The following IKBKB-DT variants were observed in gnomAD, a reference collection of about 807,000 sequenced individuals.
IKBKB-DT encodes the protein IKBKB antisense RNA.
intron 1 of IKBKB-DT, among the ~76,000 whole-genome samples, chr8:42,269,236 C>T (rs529150325): frequency 2.0e-5 from 3 of 150,878 alleles, no homozygotes; most frequent in African/African-American, 7.3e-5. Context: ...GGGAGGACCC[C>T]TTGAACCCAG....
intron 3 of IKBKB-DT, among the ~76,000 whole-genome samples, chr8:42,251,828 C>CAAAAAAAAAAAAAAAAAAAAAAA (rs59420104): frequency 6.6e-5 from 6 of 91,454 alleles, no homozygotes; most frequent in African/African-American, 2.3e-4. Flanking sequence ...GACTCCATCT[C>CAAAAAAAAAAAAAAAAAAAAAAA]AAAAAAAAAA....
At chr8:42,254,738 T>C (rs796132872) in intron 3 of IKBKB-DT, among the ~76,000 whole-genome samples, 4 of 147,716 alleles carry the variant, frequency 2.7e-5, no homozygotes, top group African/African-American at 1.0e-4. Flanking sequence ...CTTCCCACCG[T>C]CTGGGAAGTG....
chr8:42,246,089 C>T (rs1275909901), intron 3 of IKBKB-DT, among the ~76,000 whole-genome samples: 2 of 152,124 alleles, frequency 1.3e-5, no homozygotes, highest in African/African-American at 2.4e-5. Context: ...CAGGCTAGAG[C>T]GCAGTGGCAC....
At chr8:42,256,033 AAAAAAG>A (rs1215664889) in intron 3 of IKBKB-DT, among the ~76,000 whole-genome samples, 3 of 151,866 alleles carry the variant, frequency 2.0e-5, no homozygotes, top group African/African-American at 4.8e-5. Flanking sequence ...TCTCAAAAAA[AAAAAAG>A]AAAAAGAAAA....
At chr8:42,239,180 T>C (rs1294147811) in intron 3 of IKBKB-DT, among the ~76,000 whole-genome samples, 1 of 151,950 alleles carries the variant, frequency 6.6e-6, no homozygotes, top group African/African-American at 2.4e-5. Context: ...GCCCCAAAAG[T>C]CCATGGATCA....
intron 3 of IKBKB-DT, among the ~76,000 whole-genome samples, chr8:42,244,623 C>G (rs1385224550): frequency 6.6e-6 from 1 of 152,116 alleles, no homozygotes; most frequent in South Asian, 2.1e-4. Flanking sequence ...TCACTGCAGC[C>G]TTGACCTCCT....
In IKBKB-DT at chr8:42,267,448, C is replaced by T. The variant is rs186052888; in HGVS notation, n.604-1052G>A. On this transcript the variant is annotated intron_variant and non_coding_transcript_variant, in intron 1 of 3. Coordinates refer to ENST00000518213, the Ensembl canonical transcript of IKBKB-DT. ...GGTACTAATTACTGCAGAACAAATCCGTGTGTGATTTTATATTGCCTGGCC... is the reference window on the plus strand; with the variant it reads ...GGTACTAATTACTGCAGAACAAATCTGTGTGTGATTTTATATTGCCTGGCC... Among the ~76,000 whole-genome samples, 33 of 152,218 alleles carry T rather than the reference C, an allele frequency of 2.2e-4. 1 individual carries two copies. The East Asian group carries it at 3.5e-3, about 16-fold the overall frequency.
chr8:42,234,767 T>C (rs1487284102), intron 3 of IKBKB-DT, among the ~76,000 whole-genome samples: 1 of 152,092 alleles, frequency 6.6e-6, no homozygotes, highest in Non-Finnish European at 1.5e-5. Flanking sequence ...GTACCTGAGA[T>C]TACAGGTGTC....
chr8:42,269,249 G>A (rs1271945773), intron 1 of IKBKB-DT, among the ~76,000 whole-genome samples: 4 of 150,698 alleles, frequency 2.7e-5, no homozygotes, highest in South Asian at 4.2e-4. Flanking sequence ...GAACCCAGGA[G>A]GTCAAGACTG....
chr8:42,242,071 T>C (rs1414042014), intron 3 of IKBKB-DT, among the ~76,000 whole-genome samples: 1 of 152,044 alleles, frequency 6.6e-6, no homozygotes, highest in East Asian at 1.9e-4. Flanking sequence ...AAAATTTATC[T>C]GGGCATGTTG....
intron 3 of IKBKB-DT, among the ~76,000 whole-genome samples, chr8:42,236,236 A>C (rs1005760884): frequency 6.6e-6 from 1 of 151,604 alleles, no homozygotes; most frequent in African/African-American, 2.4e-5. Flanking sequence ...CCTGGCCTCC[A>C]GCAATCCACC....
chr8:42,259,943 C>T (rs1189107261), intron 3 of IKBKB-DT, among the ~76,000 whole-genome samples: 1 of 147,262 alleles, frequency 6.8e-6, no homozygotes. Context: ...GATTGTGCCA[C>T]TGCACTCCAG....
intron 2 of IKBKB-DT, among the ~76,000 whole-genome samples, chr8:42,264,924 G>T (rs113078931): frequency 2.0e-5 from 3 of 150,932 alleles, no homozygotes; most frequent in African/African-American, 7.3e-5. Context: ...GTGCAATGGC[G>T]CCATCTCTGT....
chr8:42,256,470 G>A (rs1487486023), intron 3 of IKBKB-DT, among the ~76,000 whole-genome samples: 1 of 151,942 alleles, frequency 6.6e-6, no homozygotes, highest in East Asian at 1.9e-4. Context: ...TACTCAAGTG[G>A]CTGAGGCAGG....
intron 3 of IKBKB-DT, among the ~76,000 whole-genome samples, chr8:42,249,596 A>T (rs990369680): frequency 6.6e-6 from 1 of 152,122 alleles, no homozygotes; most frequent in East Asian, 1.9e-4. Flanking sequence ...AAGGCCATGC[A>T]TTCAAAAAGG....
chr8:42,234,053 T>C (rs1440529046), intron 3 of IKBKB-DT, among the ~76,000 whole-genome samples: 3 of 152,146 alleles, frequency 2.0e-5, no homozygotes, highest in Non-Finnish European at 2.9e-5. Flanking sequence ...ACAAAGGCAA[T>C]GTAGTTCCCA....
intron 3 of IKBKB-DT, among the ~76,000 whole-genome samples, chr8:42,242,684 G>A (rs1033021270): frequency 6.6e-6 from 1 of 152,066 alleles, no homozygotes; most frequent in Non-Finnish European, 1.5e-5. Context: ...GTCCTTCCCC[G>A]GCCTCTGGCT....
chr8:42,240,481 C>T (rs543163043), intron 3 of IKBKB-DT, among the ~76,000 whole-genome samples: 84 of 151,334 alleles, frequency 5.6e-4, no homozygotes, highest in African/African-American at 2.0e-3. Flanking sequence ...AAACATTAGC[C>T]GGGCATGGTG....
chr8:42,237,011 C>A (rs1243806267), intron 3 of IKBKB-DT, among the ~76,000 whole-genome samples: 1 of 151,998 alleles, frequency 6.6e-6, no homozygotes, highest in African/African-American at 2.4e-5. Flanking sequence ...TGAACCACCA[C>A]ACCCGGCCAA....
Sources: gnomAD v4.1 joint callset for allele counts (sites outside exome capture counted in the v4.1 genomes callset) on GRCh38, gnomAD v4.1.1 for gene constraint, MANE v1.5 for transcripts, NCBI Gene and HGNC (gene_info 2026-07-23, HGNC 2026-07-21) for gene names.